SOBP: variants seen among roughly 807,000 people sequenced by gnomAD.
SOBP encodes sine oculis-binding protein homolog.
A neutral mutation model predicts 53.6 loss-of-function variants in SOBP; 4 were observed. The ratio of observed to expected loss-of-function variants is 0.07; its 90% CI spans 0.04 to 0.17. The LOEUF (loss-of-function observed/expected upper bound fraction) is 0.17, where lower values mean the gene tolerates loss of function less well. Ranked by LOEUF, SOBP falls within the 10% of genes least tolerant of loss-of-function variation. The pLI is 1.00. For missense variants in SOBP, 1,088 were observed against 1,204.7 expected (o/e 0.90, Z 1.43); for synonymous variants, 584 against 522.6 (o/e 1.12, Z -1.60).
intron 3 of SOBP, among the ~76,000 whole-genome samples, chr6:107,523,054 A>G (rs1479855799): frequency 6.6e-6 from 1 of 152,168 alleles, no homozygotes; most frequent in African/African-American, 2.4e-5. Context: ...TTGACTTACT[A>G]AGATGTCTGG....
chr6:107,528,687 ATTG>A (rs1315385574), intron 3 of SOBP, among the ~76,000 whole-genome samples: 4 of 152,116 alleles, frequency 2.6e-5, no homozygotes, highest in Non-Finnish European at 5.9e-5. Context: ...TTCTTTGTCT[ATTG>A]TTGTGTCACT....
At chr6:107,584,794 AT>A (rs5878923) in intron 4 of SOBP, among the ~76,000 whole-genome samples, 7 of 149,770 alleles carry the variant, frequency 4.7e-5, no homozygotes, top group South Asian at 2.1e-4. Context: ...AGATAATGGG[AT>A]TTTTTTTTTG....
intron 4 of SOBP, among the ~76,000 whole-genome samples, chr6:107,565,364 A>G (rs1290048674): frequency 6.6e-6 from 1 of 152,222 alleles, no homozygotes; most frequent in East Asian, 1.9e-4. Context: ...CAGTCAGACC[A>G]AGGTCAGATT....
chr6:107,509,710 C>T (rs1783110222), intron 3 of SOBP: 1 of 152,102 alleles, frequency 6.6e-6, no homozygotes, highest in African/African-American at 2.4e-5. Context: ...AATTCCACAT[C>T]AGATCAGGAA....
chr6:107,601,542 A>G (rs750037318), intron 5 of SOBP, among the ~76,000 whole-genome samples: 7 of 152,256 alleles, frequency 4.6e-5, no homozygotes, highest in Non-Finnish European at 8.8e-5. Flanking sequence ...CTTTGGAAAC[A>G]TGACTCCATT....
At chr6:107,649,093 A>C (rs1297360900) in intron 6 of SOBP, among the ~76,000 whole-genome samples, 2 of 142,936 alleles carry the variant, frequency 1.4e-5, no homozygotes, top group East Asian at 4.5e-4. Flanking sequence ...TTGAGGCTGC[A>C]GTGAGCTATG....
At chr6:107,549,221 C>G (rs1244283251) in intron 4 of SOBP, among the ~76,000 whole-genome samples, 1 of 151,810 alleles carries the variant, frequency 6.6e-6, no homozygotes, top group East Asian at 1.9e-4. Context: ...GAGCCAAGAT[C>G]GCACCACAGC....
chr6:107,534,335 C>T (rs1429592987), intron 4 of SOBP, among the ~76,000 whole-genome samples: 2 of 152,188 alleles, frequency 1.3e-5, no homozygotes, highest in East Asian at 1.9e-4. Flanking sequence ...TACAATCACA[C>T]GCACATGCAC....
At chr6:107,611,681 G>T (rs1221631999) in intron 5 of SOBP, among the ~76,000 whole-genome samples, 2 of 152,168 alleles carry the variant, frequency 1.3e-5, no homozygotes, top group Non-Finnish European at 2.9e-5. Context: ...ACGCAATGGT[G>T]GCGACATGGT....
rs968609896 is a variant in SOBP, at chr6:107,609,190, T to C, written c.669+22015T>C. Among the ~76,000 whole-genome samples, 3 of 152,232 alleles carry C rather than the reference T, an allele frequency of 2.0e-5. No homozygotes were observed. In the South Asian group the frequency reaches 6.2e-4, roughly 32 times the overall value. On this transcript the variant is annotated intron_variant, in intron 5 of 6. Coordinates refer to ENST00000317357, the MANE Select transcript of SOBP (RefSeq NM_018013.4). ...TACTTATTTGTAAATTGTATAGATG[T>C]ACTATTGTTGTAGTATCTTTATATA...
intron 6 of SOBP, among the ~76,000 whole-genome samples, chr6:107,647,239 A>C (rs1336896319): frequency 2.0e-5 from 3 of 152,220 alleles, no homozygotes; most frequent in African/African-American, 7.2e-5. Flanking sequence ...CATGAGACTT[A>C]GCATTATTAA....
chr6:107,609,446 C>G (rs1169160773), intron 5 of SOBP, among the ~76,000 whole-genome samples: 1 of 152,206 alleles, frequency 6.6e-6, no homozygotes, highest in Non-Finnish European at 1.5e-5. Flanking sequence ...TTAGGCTACA[C>G]TTCCCGCTCC....
chr6:107,619,980 G>A (rs1294385896), intron 5 of SOBP, among the ~76,000 whole-genome samples: 1 of 152,172 alleles, frequency 6.6e-6, no homozygotes, highest in African/African-American at 2.4e-5. Context: ...TTAAATCTGA[G>A]AAAGTCTGTC....
At chr6:107,602,430 T>C (rs1786214423) in intron 5 of SOBP, among the ~76,000 whole-genome samples, 1 of 152,026 alleles carries the variant, frequency 6.6e-6, no homozygotes, top group South Asian at 2.1e-4. Flanking sequence ...AATCTCCTGA[T>C]GAGAGAAATA....
intron 6 of SOBP, among the ~76,000 whole-genome samples, chr6:107,642,016 A>T (rs1239404838): frequency 1.3e-5 from 2 of 152,232 alleles, no homozygotes; most frequent in Non-Finnish European, 2.9e-5. Flanking sequence ...GATGGATGTT[A>T]AGGCAATGCA....
At chr6:107,502,290 A>G (rs1315203147) in intron 1 of SOBP, among the ~76,000 whole-genome samples, 1 of 152,214 alleles carries the variant, frequency 6.6e-6, no homozygotes, top group Non-Finnish European at 1.5e-5. Context: ...GACAGCTTCT[A>G]AGAAGGATAA....
At chr6:107,542,766 G>GT (rs113045000) in intron 4 of SOBP, among the ~76,000 whole-genome samples, 3,693 of 146,662 alleles carry the variant, frequency 0.025, 141 homozygotes, top group African/African-American at 0.081. Flanking sequence ...TGTGTGTTTT[G>GT]TTTTTTTTTT....
intron 4 of SOBP, among the ~76,000 whole-genome samples, chr6:107,555,585 G>T (rs551233475): frequency 6.6e-6 from 1 of 152,228 alleles, no homozygotes; most frequent in Non-Finnish European, 1.5e-5. Flanking sequence ...CCTTCCAAGC[G>T]CAGCTGCACA....
At chr6:107,642,710 C>G (rs1404834404) in intron 6 of SOBP, among the ~76,000 whole-genome samples, 1 of 152,206 alleles carries the variant, frequency 6.6e-6, no homozygotes, top group Non-Finnish European at 1.5e-5. Context: ...ATTTTCCCCT[C>G]TGAACCTCTG....
Sources: gnomAD v4.1 joint callset for allele counts (sites outside exome capture counted in the v4.1 genomes callset) on GRCh38, gnomAD v4.1.1 for gene constraint, MANE v1.5 for transcripts, NCBI Gene and HGNC (gene_info 2026-07-23, HGNC 2026-07-21) for gene names.